The following ASB11 variants were observed in gnomAD, a reference collection of about 807,000 sequenced individuals.
ASB11 encodes ankyrin repeat and SOCS box protein 11.
ASB11 carries 17 observed loss-of-function variants against 20.1 expected under a neutral mutation model. That is an observed-to-expected ratio of 0.85 (90% CI 0.58 to 1.27). ASB11 has a LOEUF of 1.27. Ranked by LOEUF, ASB11 falls within the 50% of genes most tolerant of loss-of-function variation. The pLI is 0.00. For synonymous variants in ASB11, 107 were observed against 105.6 expected, an observed-to-expected ratio of 1.01 and a Z score of -0.08; for missense variants, 259 against 256.9, an observed-to-expected ratio of 1.01 and a Z score of -0.06.
intron 2 of ASB11, among the ~76,000 whole-genome samples, chrX:15,301,462 G>A (rs764086030): frequency 9.1e-6 from 1 of 110,326 alleles, no homozygotes; most frequent in South Asian, 3.8e-4. Context: ...AACTCATAAA[G>A]GAGAAATCAA....
At chrX:15,304,963 A>C (rs1602196253) in intron 1 of ASB11, among the ~76,000 whole-genome samples, 1 of 111,968 alleles carries the variant, frequency 8.9e-6, no homozygotes, top group East Asian at 2.8e-4. Context: ...TAAAATGGTA[A>C]TCTAGAAGTC....
chrX:15,295,643 T>C (rs1920959440), intron 3 of ASB11, among the ~76,000 whole-genome samples: 2 of 111,909 alleles, frequency 1.8e-5, no homozygotes, highest in Admixed American at 1.9e-4. Context: ...GACTGCCAAT[T>C]GTGGGGGACT....
chrX:15,284,992 G>A (rs79284344), intron 6 of ASB11, among the ~76,000 whole-genome samples: 3 of 111,517 alleles, frequency 2.7e-5, no homozygotes, highest in Non-Finnish European at 5.6e-5. Flanking sequence ...ATCGATCTTA[G>A]TTAAAATCTT....
chrX:15,315,226 C>A (rs1025282468), intron 1 of ASB11, among the ~76,000 whole-genome samples, 199 bp downstream of exon 1: 1 of 111,885 alleles, frequency 8.9e-6, no homozygotes. Flanking sequence ...ACAAGATCTA[C>A]GAACTTGCAA....
intron 3 of ASB11, among the ~76,000 whole-genome samples, chrX:15,294,589 T>A (rs927042968): frequency 2.7e-5 from 3 of 111,328 alleles, no homozygotes; most frequent in Non-Finnish European, 5.7e-5. Context: ...CAGGCTGGTC[T>A]CAAACTCCTG....
In ASB11 at chrX:15,306,703, A is replaced by AAACAAC. The variant is rs767262827; in HGVS notation, c.182-3902_182-3897dup. 5.2e-3 allele frequency among the ~76,000 whole-genome samples: 574 copies of AAACAAC among 109,633 alleles called. 3 individuals carry two copies. The highest frequency in any genetic ancestry group is 0.016 in the African/African-American group (482 of 29,929). On this transcript the variant is annotated intron_variant, in intron 1 of 6. Coordinates refer to ENST00000480796, the MANE Select transcript of ASB11 (RefSeq NM_080873.3). ...GGGTGACACAGTGACACTTTGTCTC[A>AAACAAC]AACAACAACAACAACAACAACAACA... is the stretch of plus-strand genomic sequence containing the variant.
Position 15,283,259 on chromosome X carries a change from C to T in ASB11, c.*246G>A, listed in dbSNP as rs980296371. 2.3e-4 allele frequency: 68 copies of T among 299,566 alleles called. 1 individual carries two copies. Among genetic ancestry groups the T allele is most frequent in the African/African-American group, 1.7e-3 (64 of 37,938 alleles). The allele number at this position is 299,566 out of a possible 1,213,427, so 24.7% of individuals were successfully genotyped here. A position where few individuals can be genotyped will look rare whatever the true frequency, so the allele number is the denominator to read the frequency against. ...ATTGTTTTCACTCTACTTCACAGTT[C>T]TTTTAAGTTTCTTAACAACAAGAGC... On this transcript the variant is annotated 3_prime_UTR_variant, in exon 7 of 7. Coordinates refer to ENST00000480796, the MANE Select transcript of ASB11 (RefSeq NM_080873.3).
intron 1 of ASB11, among the ~76,000 whole-genome samples, chrX:15,311,937 T>A (rs999152191): frequency 8.9e-6 from 1 of 111,930 alleles, no homozygotes; most frequent in South Asian, 3.7e-4. Flanking sequence ...AGTATGCACA[T>A]TGTATGATCT....
At chrX:15,289,310 A>T (rs1316017808) in intron 5 of ASB11, among the ~76,000 whole-genome samples, 194 bp downstream of exon 5, 2 of 112,741 alleles carry the variant, frequency 1.8e-5, no homozygotes, top group Non-Finnish European at 3.7e-5. Flanking sequence ...AATACCAGGT[A>T]AATGGAGTTA....
rs773872197 is a variant in ASB11 at position 15,283,603 on chromosome X, G to T, written c.874C>A (p.Arg292Ser). 8.3e-7 allele frequency: 1 copy of T among 1,207,610 alleles called. No individual in the cohort carries two copies. The highest frequency in any genetic ancestry group is 1.1e-6 in the Non-Finnish European group (1 of 893,973). ...CCGAGACACTTCCGGACACACAGGCGGCAGAGCTGGGAAAGAGCAGGTGGG... is the reference window on the plus strand; with the variant it reads ...CCGAGACACTTCCGGACACACAGGCTGCAGAGCTGGGAAAGAGCAGGTGGG... Reference protein sequence around the residue: ...EGPPALSQLCRLCVRKCLGRA... With the variant: ...EGPPALSQLCSLCVRKCLGRA... Residue 292 changes from arginine to serine, a missense_variant, in exon 7 of 7, where the codon CGC (arginine) becomes AGC (serine). Coordinates refer to ENST00000480796, the MANE Select transcript of ASB11 (RefSeq NM_080873.3).
rs772253027 is a variant in ASB11 at position 15,287,363 on chromosome X, G to A, written c.847+518C>T. Among the ~76,000 whole-genome samples the A allele has an allele frequency of 5.3e-5, 6 of 113,117 alleles. No individual in the cohort carries two copies. In the East Asian group the frequency reaches 1.7e-3, roughly 31 times the overall value. On this transcript the variant is annotated intron_variant, in intron 6 of 6. Transcript: ENST00000480796. ...TTTTTTTGAGACGGAGTCTCGCTCT[G>A]TCACCCAGGCTGGAATGCAGTGGTG...
At position 15,315,598 on chromosome X, in the gene ASB11, T is replaced by C. The variant is rs768039220; in HGVS notation, c.8A>G (p.Asp3Gly). ...TTTAAAGCCATAGAAAACAGGACCA[T>C]CTTCCATTTTGGCTTATGCTCTGTA... MEDGPVFYGFKNI... is the reference protein window; with the variant it reads MEGGPVFYGFKNI... Residue 3 changes from aspartate to glycine, a missense_variant, in exon 1 of 7, where the codon GAT (aspartate) becomes GGT (glycine). Transcript: ENST00000480796. 42 of 1,165,668 alleles carry C rather than the reference T, an allele frequency of 3.6e-5. No individual in the cohort carries two copies. The highest frequency in any genetic ancestry group is 4.1e-5 in the Non-Finnish European group (36 of 875,610).
Position 15,302,824 on chromosome X carries a change from G to A in ASB11, c.182-17C>T, listed in dbSNP as rs374697501. The A allele has an allele frequency of 6.7e-6, 8 of 1,196,947 alleles. No individual in the cohort carries two copies. The highest frequency in any genetic ancestry group is 9.0e-6 in the Non-Finnish European group (8 of 884,625). Reference sequence around the variant, plus strand: ...CCCAGCAATCTGAAACACAAATCAAGCTCAAAGTCAAGGCCTGGAGACTTC... The same window carrying A: ...CCCAGCAATCTGAAACACAAATCAAACTCAAAGTCAAGGCCTGGAGACTTC... On this transcript the variant is annotated splice_polypyrimidine_tract_variant and intron_variant, in intron 1 of 6. Coordinates refer to ENST00000480796, the MANE Select transcript of ASB11 (RefSeq NM_080873.3).
intron 4 of ASB11, among the ~76,000 whole-genome samples, chrX:15,291,689 A>C (rs1474807297): frequency 1.9e-5 from 2 of 105,804 alleles, no homozygotes; most frequent in Non-Finnish European, 3.9e-5. Context: ...CCTGTGAGAC[A>C]GAGCAAGACT....
intron 1 of ASB11, among the ~76,000 whole-genome samples, chrX:15,312,032 A>G (rs1314967243): frequency 2.7e-5 from 3 of 111,156 alleles, no homozygotes; most frequent in Middle Eastern, 4.6e-3. Context: ...TATCTACACT[A>G]TATTTTCTTT....
At chrX:15,306,357 C>A (rs1476152117) in intron 1 of ASB11, among the ~76,000 whole-genome samples, 1 of 111,852 alleles carries the variant, frequency 8.9e-6, no homozygotes, top group East Asian at 2.8e-4. Context: ...GCATATATTG[C>A]ATTTGTATTT....
intron 3 of ASB11, 50 bp from the exon 4 acceptor site, chrX:15,293,370 C>T: frequency 8.7e-7 from 1 of 1,154,112 alleles, no homozygotes; most frequent in Non-Finnish European, 1.2e-6. Context: ...TCATTCTCAC[C>T]ATCTCCAAGT....
rs185365277 is a variant in ASB11, at chrX:15,291,305, A to G, written c.521-1667T>C. Among the ~76,000 whole-genome samples the G allele has an allele frequency of 1.8e-4, 20 of 112,149 alleles. No individual in the cohort carries two copies. In the East Asian group the frequency reaches 4.2e-3, roughly 23 times the overall value. On this transcript the variant is annotated intron_variant, in intron 4 of 6. Transcript: ENST00000480796. ...CAAAAGCTCCAAATATAATCAGTCAAGCACTGCAGACATACTTAATTAATT... is the reference window on the plus strand; with the variant it reads ...CAAAAGCTCCAAATATAATCAGTCAGGCACTGCAGACATACTTAATTAATT...
chrX:15,312,871 G>A (rs189200812), intron 1 of ASB11, among the ~76,000 whole-genome samples: 1 of 111,839 alleles, frequency 8.9e-6, no homozygotes, highest in East Asian at 2.8e-4. Flanking sequence ...TTAGGAATTA[G>A]AGAGACTGAG....
Sources: gnomAD v4.1 joint callset for allele counts (sites outside exome capture counted in the v4.1 genomes callset) on GRCh38, gnomAD v4.1.1 for gene constraint, MANE v1.5 for transcripts, NCBI Gene and HGNC (gene_info 2026-07-23, HGNC 2026-07-21) for gene names.